NBPF11: variants seen among roughly 807,000 people sequenced by gnomAD.
NBPF11 encodes NBPF family member NBPF11.
NBPF11 carries 72 observed loss-of-function variants against 93.9 expected under a neutral mutation model. The observed-to-expected ratio is 0.77, with a 90% CI of 0.63 to 0.93. The LOEUF is 0.93. Among genes scored for constraint, NBPF11 ranks in the 40% least tolerant of loss-of-function variants. NBPF11 has a pLI of 0.00. For synonymous variants in NBPF11, 224 were observed against 304.9 expected (o/e 0.73, Z 2.76); for missense variants, 705 against 802.2 (o/e 0.88, Z 1.46).
chr1:148,135,837 T>A (rs1406334798), intron 3 of NBPF11, 24 bp from the exon 4 acceptor site: 1 of 712,686 alleles, frequency 1.4e-6, no homozygotes, highest in East Asian at 2.7e-5. Context: ...ACAAATAATT[T>A]ATTTACCTCC....
chr1:148,119,317 C>T (rs1377086964), intron 10 of NBPF11, among the ~76,000 whole-genome samples: 1 of 150,632 alleles, frequency 6.6e-6, no homozygotes, highest in African/African-American at 2.5e-5. Context: ...AATTTAGAAA[C>T]AGCAGAATGA....
chr1:148,141,996 G>A (rs1332720886), intron 2 of NBPF11, among the ~76,000 whole-genome samples: 9 of 148,056 alleles, frequency 6.1e-5, no homozygotes, highest in African/African-American at 1.8e-4. Context: ...AATGGAGGGA[G>A]GGAGGGAAGG....
Position 148,122,154 on chromosome 1 carries a change from T to C in NBPF11, c.679A>G (p.Ile227Val), listed in dbSNP as rs1668024591. 1 of 1,613,226 alleles carries C rather than the reference T, an allele frequency of 6.2e-7. No homozygotes were observed. The highest frequency in any genetic ancestry group is 8.5e-7 in the Non-Finnish European group (1 of 1,179,552). The change falls in exon 9 of 24, where the codon ATC (isoleucine) becomes GTC (valine). Residue 227 changes from isoleucine to valine, a missense_variant. Physicochemically the swap from Ile to Val is conservative, Grantham distance 29. Around this residue, in one of 12 missense-constraint regions of NBPF11, gnomAD observed 262 missense variants for 223.1 expected, o/e 1.17. Coordinates refer to ENST00000682118, the MANE Select transcript of NBPF11 (RefSeq NM_001385469.3). ...TTGTCTTCCTCAAATGTGATTTTGA[T>C]GTTCTTGTGAGGCTGGATGGAGTCA... ...PCDSIQPHKNIKITFEEDKVN... is the reference protein window; with the variant it reads ...PCDSIQPHKNVKITFEEDKVN...
intron 2 of NBPF11, among the ~76,000 whole-genome samples, chr1:148,142,119 AAG>A (rs1222443671): frequency 7.3e-5 from 11 of 150,012 alleles, no homozygotes; most frequent in East Asian, 2.0e-4. Flanking sequence ...GGAAAGAATA[AAG>A]AGAGAGAGAA....
Position 148,105,530 on chromosome 1 carries a change from T to A in NBPF11, c.2304-2A>T. On this transcript the variant is annotated splice_acceptor_variant, in intron 21 of 23. Coordinates refer to ENST00000682118, the MANE Select transcript of NBPF11 (RefSeq NM_001385469.3). LOFTEE classifies it high-confidence loss of function. ...ACCTCCAGCAGCTCCCTGCTGAGCC[T>A]GGAAAAGGAGGAAAAAGTAAAGAAT... 1.3e-6 allele frequency: 1 copy of A among 782,078 alleles called. No homozygotes were observed. Among genetic ancestry groups the A allele is most frequent in the Non-Finnish European group, 2.2e-6 (1 of 457,080 alleles). 48.4% of individuals were successfully genotyped at this position (782,078 alleles called of 1,614,324 possible).
At chr1:148,150,576 A>T (rs1435863661) in intron 1 of NBPF11, among the ~76,000 whole-genome samples, 6 of 152,020 alleles carry the variant, frequency 3.9e-5, no homozygotes, top group Non-Finnish European at 7.3e-5. Context: ...ACAAAAAGAA[A>T]GCTATTAATG....
At chr1:148,139,246 G>A (rs1671823212) in intron 2 of NBPF11, among the ~76,000 whole-genome samples, 1 of 149,922 alleles carries the variant, frequency 6.7e-6, no homozygotes, top group African/African-American at 2.5e-5. Flanking sequence ...CCAGTCACCA[G>A]CACAGAAGAA....
intron 17 of NBPF11, among the ~76,000 whole-genome samples, 188 bp from the exon 18 acceptor site, chr1:148,108,842 G>GACAC (rs71270029): frequency 0.21 from 23,827 of 112,802 alleles, 2,394 homozygotes; most frequent in South Asian, 0.24. Flanking sequence ...GAAAGAGAAA[G>GACAC]ACACACACAC....
intron 4 of NBPF11, among the ~76,000 whole-genome samples, chr1:148,127,506 CCTCA>C (rs1669365297): frequency 1.2e-5 from 1 of 83,534 alleles, no homozygotes; most frequent in African/African-American, 5.2e-5. Flanking sequence ...TAAGCATATT[CCTCA>C]CTGTTTATCT....
At chr1:148,144,566 T>G (rs1672692868) in intron 1 of NBPF11, among the ~76,000 whole-genome samples, 1 of 151,848 alleles carries the variant, frequency 6.6e-6, no homozygotes, top group Admixed American at 6.5e-5. Flanking sequence ...ATATTGAAAA[T>G]GAGATTGAAC....
chr1:148,143,010 C>T (rs1374293304), intron 2 of NBPF11, among the ~76,000 whole-genome samples: 3 of 151,704 alleles, frequency 2.0e-5, no homozygotes, highest in East Asian at 1.9e-4. Context: ...CTGGGGGATG[C>T]GGGTGGACAG....
chr1:148,136,619 C>T (rs1671329942), intron 3 of NBPF11, among the ~76,000 whole-genome samples: 1 of 152,018 alleles, frequency 6.6e-6, no homozygotes, highest in Non-Finnish European at 1.5e-5. Flanking sequence ...TGGATCCTTA[C>T]TAAGAAACTC....
rs1207220869 is a variant in NBPF11 at position 148,136,179 on chromosome 1, G to C, written c.-177-366C>G. On this transcript the variant is annotated intron_variant, in intron 3 of 23. Coordinates refer to ENST00000682118, the MANE Select transcript of NBPF11 (RefSeq NM_001385469.3). ...AAAAAACGTCTGGCATATTCTTACA[G>C]AACTAAACAACTACCTATTCTATGA... 5.2e-4 allele frequency among the ~76,000 whole-genome samples: 79 copies of C among 152,068 alleles called. 1 individual carries two copies. The highest frequency in any genetic ancestry group is 1.9e-3 in the African/African-American group (79 of 41,362).
intron 15 of NBPF11, among the ~76,000 whole-genome samples, chr1:148,113,110 C>T (rs1665692856): frequency 6.6e-6 from 1 of 152,022 alleles, no homozygotes; most frequent in African/African-American, 2.4e-5. Flanking sequence ...ATCAAATTCA[C>T]ACATAACCAT....
chr1:148,145,950 A>C (rs1553276737), intron 1 of NBPF11, among the ~76,000 whole-genome samples: 1 of 152,072 alleles, frequency 6.6e-6, no homozygotes. Flanking sequence ...CACAAGCTGC[A>C]GATTGAAAAA....
In NBPF11 at chr1:148,110,250, A is replaced by C. The variant is rs1343034468; in HGVS notation, c.1801+128T>G. The C allele has an allele frequency of 7.1e-3, 8,253 of 1,158,880 alleles. 74 individuals carry two copies. Among genetic ancestry groups the C allele is most frequent in the Non-Finnish European group, 9.4e-3 (7,211 of 770,282 alleles). 71.8% of individuals were successfully genotyped at this position (1,158,880 alleles called of 1,614,324 possible). ...CGACTCCAGAGTGATTGAAATCTACATTGATATATAGGTTCAGCCCACAGT... is the reference window on the plus strand; with the variant it reads ...CGACTCCAGAGTGATTGAAATCTACCTTGATATATAGGTTCAGCCCACAGT... On this transcript the variant is annotated intron_variant, in intron 16 of 23. Coordinates refer to ENST00000682118, the MANE Select transcript of NBPF11 (RefSeq NM_001385469.3).
intron 11 of NBPF11, among the ~76,000 whole-genome samples, chr1:148,118,207 A>G (rs1404214715): frequency 6.7e-5 from 10 of 150,348 alleles, no homozygotes; most frequent in Non-Finnish European, 1.3e-4. Context: ...GAAAGAAGAA[A>G]AGAATGACAG....
intron 11 of NBPF11, 112 bp from the exon 12 acceptor site, chr1:148,117,898 G>A (rs1666942657): frequency 1.7e-6 from 1 of 600,652 alleles, no homozygotes; most frequent in East Asian, 2.8e-5. Flanking sequence ...CCAAGCAGAA[G>A]GTCAGCACAT....
At chr1:148,143,003 G>A (rs1672445512) in intron 2 of NBPF11, among the ~76,000 whole-genome samples, 1 of 152,184 alleles carries the variant, frequency 6.6e-6, no homozygotes, top group South Asian at 2.1e-4. Flanking sequence ...CCTTAGCCTG[G>A]GGGATGCGGG....
Sources: gnomAD v4.1 joint callset for allele counts (sites outside exome capture counted in the v4.1 genomes callset) on GRCh38, gnomAD v4.1.1 for gene constraint, gnomAD v4.1.1 regional missense constraint, MANE v1.5 for transcripts, NCBI Gene and HGNC (gene_info 2026-07-23, HGNC 2026-07-21) for gene names.